Variants in SENP6 observed in about 807,000 individuals in gnomAD.
SENP6 encodes SUMO specific peptidase 6.
A neutral mutation model predicts 134.5 loss-of-function variants in SENP6; 41 were observed. The observed-to-expected ratio is 0.30, with a 90% CI of 0.24 to 0.40. The LOEUF (loss-of-function observed/expected upper bound fraction) is 0.40, where lower values mean the gene tolerates loss of function less well. Among genes scored for constraint, SENP6 ranks in the 10% least tolerant of loss-of-function variants. The probability of loss-of-function intolerance (pLI) is 1.00; values close to 1 mark genes in which losing one functional copy is unlikely to be tolerated. For synonymous variants in SENP6, 395 were observed against 429.8 expected, an observed-to-expected ratio of 0.92 and a Z score of 1.00; for missense variants, 1,248 against 1,312.5, an observed-to-expected ratio of 0.95 and a Z score of 0.76.
chr6:75,608,649 T>TA (rs1767214098), intron 1 of SENP6, among the ~76,000 whole-genome samples: 1 of 151,770 alleles, frequency 6.6e-6, no homozygotes, highest in East Asian at 1.9e-4. Context: ...CTGGCTTTAC[T>TA]ACTTGTTAGC....
Position 75,715,636 on chromosome 6 carries a change from G to A in SENP6, c.*42G>A. On this transcript the variant is annotated 3_prime_UTR_variant, in exon 24 of 24. Transcript: ENST00000447266. ...TCATTTCTACTTTCAGAAACTAAAT[G>A]ACTTTCAAATTTGGGTATAGACAAT... 6.6e-7 allele frequency: 1 copy of A among 1,514,742 alleles called. No homozygotes were observed. The highest frequency in any genetic ancestry group is 9.1e-7 in the Non-Finnish European group (1 of 1,102,822). The allele number at this position is 1,514,742 out of a possible 1,614,324, so 93.8% of individuals were successfully genotyped here. A position where few individuals can be genotyped will look rare whatever the true frequency, so the allele number is the denominator to read the frequency against.
intron 10 of SENP6, 54 bp from the exon 11 acceptor site, chr6:75,670,499 C>T: frequency 7.4e-7 from 1 of 1,342,660 alleles, no homozygotes; most frequent in Admixed American, 1.9e-5. Flanking sequence ...TTATACTTAG[C>T]TTGCAGCCTT....
chr6:75,689,661 C>T (rs994061857), intron 16 of SENP6, among the ~76,000 whole-genome samples: 1 of 152,098 alleles, frequency 6.6e-6, no homozygotes, highest in East Asian at 1.9e-4. Flanking sequence ...TTTTACTGTA[C>T]CTTTTCTCTG....
chr6:75,701,633 C>CTTTTTTT lies in SENP6; in HGVS notation c.2289-995_2289-989dup, dbSNP rs60715314. On this transcript the variant is annotated intron_variant, in intron 18 of 23. Transcript: ENST00000447266. ...ATTAGACTGCTGAAGACAGTTTAAT[C>CTTTTTTT]TTTTTTTTTTTTTTTTTTTTTTTGG... is the stretch of plus-strand genomic sequence containing the variant. 3.6e-4 allele frequency among the ~76,000 whole-genome samples: 29 copies of CTTTTTTT among 80,136 alleles called. 1 individual carries two copies. The highest frequency in any genetic ancestry group is 6.0e-4 in the South Asian group (1 of 1,670). 52.6% of individuals were successfully genotyped at this position (80,136 alleles called of 152,430 possible).
At chr6:75,641,112 T>A (rs770439666) in intron 6 of SENP6, among the ~76,000 whole-genome samples, 8 of 152,034 alleles carry the variant, frequency 5.3e-5, no homozygotes, top group Non-Finnish European at 8.8e-5. Context: ...CCCTCCATCC[T>A]CTCCTCCCCT....
At chr6:75,652,988 G>T (rs918557189) in intron 7 of SENP6, among the ~76,000 whole-genome samples, 2 of 151,874 alleles carry the variant, frequency 1.3e-5, no homozygotes, top group African/African-American at 4.8e-5. Context: ...TATCTTTGAT[G>T]TATATATCTT....
At chr6:75,678,982 T>A in intron 16 of SENP6, 55 bp downstream of exon 16, 1 of 868,382 alleles carries the variant, frequency 1.2e-6, no homozygotes, top group East Asian at 2.6e-5. Flanking sequence ...CGTCATATCT[T>A]ATGTCTTTGT....
chr6:75,659,806 TA>T (rs1287457601), intron 8 of SENP6, among the ~76,000 whole-genome samples: 1 of 152,192 alleles, frequency 6.6e-6, no homozygotes, highest in Non-Finnish European at 1.5e-5. Flanking sequence ...TGCCTACCCA[TA>T]AACGTGTGTA....
At position 75,633,609 on chromosome 6, in the gene SENP6, A is replaced by C. The variant is rs765140381; in HGVS notation, c.236A>C (p.Asn79Thr). 3 of 1,600,850 alleles carry C rather than the reference A, an allele frequency of 1.9e-6. No homozygotes were observed. In the Admixed American group the frequency reaches 5.3e-5, roughly 28 times the overall value. ...AATCGTCGATCTGAAATTGTTGCTA[A>C]TAGCTCTGGTGAATTCATCTTGAAG... ...KLNRRSEIVA[N>T]SSGEFILKTY... is the part of the protein sequence containing the mutation. Residue 79 changes from asparagine to threonine, a missense_variant, in exon 4 of 24, where the codon AAT becomes ACT. Around this residue, in one of 3 missense-constraint regions of SENP6, gnomAD observed 733 missense variants for 725.4 expected, o/e 1.01. Coordinates refer to ENST00000447266, the MANE Select transcript of SENP6 (RefSeq NM_015571.4).
chr6:75,684,645 A>G (rs547523120), intron 16 of SENP6, among the ~76,000 whole-genome samples: 5 of 152,310 alleles, frequency 3.3e-5, no homozygotes, highest in Non-Finnish European at 5.9e-5. Context: ...TTCTGCATCT[A>G]TTGAGATAAT....
In SENP6 at chr6:75,713,487, G is replaced by A. The variant is rs142668935; in HGVS notation, c.2910-26G>A. The A allele has an allele frequency of 2.3e-4, 359 of 1,577,720 alleles. 1 individual carries two copies. In the East Asian group the frequency reaches 6.3e-3, roughly 28 times the overall value. On this transcript the variant is annotated intron_variant, in intron 21 of 23. Coordinates refer to ENST00000447266, the MANE Select transcript of SENP6 (RefSeq NM_015571.4). Reference sequence around the variant, plus strand: ...GCATTTGTAATATTATGAAGTATTCGACTTTTGGTCATTTTTACCCTGCAG... The same window carrying A: ...GCATTTGTAATATTATGAAGTATTCAACTTTTGGTCATTTTTACCCTGCAG...
At chr6:75,608,129 T>C (rs748754900) in intron 1 of SENP6, among the ~76,000 whole-genome samples, 4 of 152,182 alleles carry the variant, frequency 2.6e-5, no homozygotes, top group Admixed American at 1.3e-4. Context: ...TTCATGTACT[T>C]GAAACAGTAA....
intron 11 of SENP6, among the ~76,000 whole-genome samples, chr6:75,671,970 AT>A (rs1237653701): frequency 6.6e-6 from 1 of 152,192 alleles, no homozygotes; most frequent in African/African-American, 2.4e-5. Flanking sequence ...GCTTCTCACA[AT>A]TTAAAAACTA....
intron 1 of SENP6, among the ~76,000 whole-genome samples, chr6:75,615,781 T>C (rs1287668542): frequency 2.0e-5 from 3 of 152,236 alleles, no homozygotes; most frequent in African/African-American, 4.8e-5. Context: ...ATTGATGCTA[T>C]TTTTTAAAAG....
chr6:75,660,911 G>A (rs1044040387), intron 8 of SENP6, among the ~76,000 whole-genome samples: 5 of 152,224 alleles, frequency 3.3e-5, no homozygotes, highest in South Asian at 2.1e-4. Flanking sequence ...GATTACAGGC[G>A]TGAGCCACCG....
At chr6:75,681,386 C>T (rs551034723) in intron 16 of SENP6, among the ~76,000 whole-genome samples, 3 of 152,282 alleles carry the variant, frequency 2.0e-5, no homozygotes, top group African/African-American at 4.8e-5. Context: ...TCCACAGCTA[C>T]GCTTCCTGTA....
At position 75,715,708 on chromosome 6, in the gene SENP6, T is replaced by C; in HGVS notation, c.*114T>C. The C allele has an allele frequency of 1.4e-6, 1 of 690,502 alleles. No individual in the cohort carries two copies. The highest frequency in any genetic ancestry group is 2.4e-6 in the Non-Finnish European group (1 of 423,480). The allele number at this position is 690,502 out of a possible 1,614,324, so 42.8% of individuals were successfully genotyped here. A position where few individuals can be genotyped will look rare whatever the true frequency, so the allele number is the denominator to read the frequency against. On this transcript the variant is annotated 3_prime_UTR_variant, in exon 24 of 24. Coordinates refer to ENST00000447266, the MANE Select transcript of SENP6 (RefSeq NM_015571.4). ...CTCAGTGATTTGGAAATTTTGATGC[T>C]TGTATAAATGTCAGATAATTAATTT...
chr6:75,700,642 C>T (rs577078909), intron 18 of SENP6, among the ~76,000 whole-genome samples: 1 of 152,208 alleles, frequency 6.6e-6, no homozygotes, highest in African/African-American at 2.4e-5. Flanking sequence ...AGGCACGTGC[C>T]ATCACACCCA....
At chr6:75,712,377 G>T (rs1409811941) in intron 21 of SENP6, among the ~76,000 whole-genome samples, 1 of 152,030 alleles carries the variant, frequency 6.6e-6, no homozygotes, top group Admixed American at 6.6e-5. Context: ...TAAAATTTTA[G>T]CAGGAAGAAG....
Sources: allele counts gnomAD v4.1 joint callset (sites outside exome capture counted in the v4.1 genomes callset), GRCh38; gene constraint gnomAD v4.1.1; regional missense constraint gnomAD v4.1.1; transcripts MANE v1.5; gene names NCBI Gene and HGNC (gene_info 2026-07-23, HGNC 2026-07-21).